Variants in NUP58 observed in about 807,000 individuals in gnomAD.
NUP58 encodes nucleoporin p58/p45.
Under a neutral mutation model 70.1 loss-of-function variants are expected in NUP58, and 17 were observed. That is an observed-to-expected ratio of 0.24 (90% CI 0.17 to 0.36). NUP58 has a LOEUF of 0.36. NUP58 is among the 10% of genes least tolerant of loss of function. The pLI, the probability that NUP58 is intolerant of heterozygous loss-of-function variation, is 1.00. For synonymous variants in NUP58, 275 were observed against 257.6 expected (o/e 1.07, Z -0.65); for missense variants, 644 against 701.5 (o/e 0.92, Z 0.93).
chr13:25,319,252 A>T (rs1268237308), intron 6 of NUP58, 74 bp from the exon 7 acceptor site: 1 of 1,237,856 alleles, frequency 8.1e-7, no homozygotes, highest in Non-Finnish European at 1.2e-6. Context: ...AATTTGTGTT[A>T]ATTTAAAGCT....
In NUP58 at chr13:25,331,353, T is replaced by G. The variant is rs779378074; in HGVS notation, c.1234-4T>G. The stretch of plus-strand genomic sequence containing the variant: ...TTTAGCCGTTTTGTTTATTATTCTT[T>G]TAGGTTCTGAAAGAACAGTACCTTG... On this transcript the variant is annotated splice_polypyrimidine_tract_variant and splice_region_variant and intron_variant, in intron 12 of 15. Transcript: ENST00000381736. The G allele has an allele frequency of 1.2e-6, 2 of 1,613,198 alleles. No homozygotes were observed. Among genetic ancestry groups the G allele is most frequent in the Non-Finnish European group, 1.7e-6 (2 of 1,179,330 alleles).
chr13:25,335,854 C>T (rs1435369835), intron 13 of NUP58: 2 of 1,045,350 alleles, frequency 1.9e-6, no homozygotes, highest in African/African-American at 3.5e-5. Context: ...CTTTGAGATG[C>T]ACTGATCACT....
chr13:25,338,562 C>G, intron 14 of NUP58, 74 bp from the exon 15 acceptor site: 2 of 1,047,174 alleles, frequency 1.9e-6, no homozygotes, highest in Non-Finnish European at 3.0e-6. Context: ...TGATGATTTT[C>G]GGTTGTACTT....
At chr13:25,332,349 G>T (rs2031638630) in intron 13 of NUP58, 1 of 985,208 alleles carries the variant, frequency 1.0e-6, no homozygotes, top group Admixed American at 6.2e-5. Flanking sequence ...GTGTCTTTCG[G>T]AGGTTAATAG....
intron 8 of NUP58, 135 bp from the exon 9 acceptor site, chr13:25,320,784 G>A: frequency 1.4e-6 from 1 of 732,730 alleles, no homozygotes; most frequent in East Asian, 2.9e-5. Flanking sequence ...CTTCCATTCT[G>A]TAAAAAAGTG....
chr13:25,320,695 A>G (rs2031143782), intron 8 of NUP58, 100 bp downstream of exon 8: 3 of 857,618 alleles, frequency 3.5e-6, no homozygotes, highest in East Asian at 2.7e-5. Flanking sequence ...CTAGAGGAGC[A>G]TCTCTTAACT....
intron 1 of NUP58, among the ~76,000 whole-genome samples, chr13:25,305,382 C>G (rs2030296311): frequency 6.6e-6 from 1 of 151,962 alleles, no homozygotes; most frequent in Admixed American, 6.6e-5. Context: ...GTGGCCCAGG[C>G]TGGGCTCAAG....
intron 6 of NUP58, among the ~76,000 whole-genome samples, chr13:25,316,814 C>T (rs758937482): frequency 3.9e-5 from 6 of 152,120 alleles, no homozygotes; most frequent in Non-Finnish European, 8.8e-5. Context: ...TCCTCTGCCC[C>T]TCCCCACATC....
chr13:25,302,472 C>G (rs2030073202), intron 1 of NUP58, among the ~76,000 whole-genome samples: 4 of 152,068 alleles, frequency 2.6e-5, no homozygotes, highest in Admixed American at 2.6e-4. Flanking sequence ...ATATCTGATG[C>G]GAGAATGTTG....
intron 4 of NUP58, 52 bp downstream of exon 4, chr13:25,313,084 C>A: frequency 6.3e-7 from 1 of 1,580,540 alleles, no homozygotes; most frequent in African/African-American, 1.4e-5. Flanking sequence ...TCAATTTTAT[C>A]TGGTTAGAGA....
chr13:25,344,118 G>GTATCAGC (rs2032020781), downstream of NUP58, among the ~76,000 whole-genome samples: 1 of 151,858 alleles, frequency 6.6e-6, no homozygotes, highest in South Asian at 2.1e-4. Context: ...TTTTTAATAT[G>GTATCAGC]TATCAGCTAT....
downstream of NUP58, among the ~76,000 whole-genome samples, chr13:25,345,632 C>G (rs2032040575): frequency 7.2e-5 from 11 of 151,984 alleles, no homozygotes; most frequent in South Asian, 2.3e-3. Context: ...GCCATTTTGA[C>G]TATTTGAATT....
In NUP58 at chr13:25,340,008, T is replaced by G; in HGVS notation, c.1674T>G (p.Pro558=). Residue 558 remains proline, a synonymous_variant, in exon 16 of 16, where the codon CCT becomes CCG. Transcript: ENST00000381736. ...SSTSGFNFSN[P]GITASAGLTF... is the part of the protein sequence containing the mutation. ...CATCTGGGTTTAACTTCAGCAATCC[T>G]GGCATCACGGCATCAGCTGGTTTGA... The G allele has an allele frequency of 6.2e-7, 1 of 1,612,802 alleles. No individual in the cohort carries two copies. Among genetic ancestry groups the G allele is most frequent in the Non-Finnish European group, 8.5e-7 (1 of 1,179,510 alleles).
chr13:25,325,823 G>A (rs1020225465), intron 10 of NUP58, among the ~76,000 whole-genome samples: 18 of 152,146 alleles, frequency 1.2e-4, no homozygotes, highest in Non-Finnish European at 2.6e-4. Flanking sequence ...GACTCCTAAA[G>A]TGCTGGGATT....
At chr13:25,326,272 T>G (rs928612910) in intron 10 of NUP58, among the ~76,000 whole-genome samples, 9 of 152,158 alleles carry the variant, frequency 5.9e-5, no homozygotes, top group Non-Finnish European at 1.2e-4. Flanking sequence ...CAAAATGCAT[T>G]CATGGTTGCC....
chr13:25,336,037 A>G, intron 13 of NUP58: 4 of 1,173,042 alleles, frequency 3.4e-6, no homozygotes, highest in Non-Finnish European at 3.2e-6. Flanking sequence ...CTTGCCAAAC[A>G]AACTCAGCCA....
intron 1 of NUP58, among the ~76,000 whole-genome samples, chr13:25,303,859 A>AT (rs1307254147): frequency 1.3e-5 from 2 of 152,342 alleles, no homozygotes; most frequent in East Asian, 3.9e-4. Context: ...TTTAATAACA[A>AT]TTTGAATGAC....
At chr13:25,312,768 G>A in intron 3 of NUP58, 115 bp from the exon 4 acceptor site, 1 of 967,532 alleles carries the variant, frequency 1.0e-6, no homozygotes, top group East Asian at 2.7e-5. Context: ...TCTTCTATTG[G>A]CAAAAGGTAG....
At chr13:25,333,675 T>A in intron 13 of NUP58, 1 of 985,422 alleles carries the variant, frequency 1.0e-6, no homozygotes, top group Non-Finnish European at 1.2e-6. Context: ...TGATGTGAGA[T>A]TTCTGAGCTC....
Sources: allele counts gnomAD v4.1 joint callset (sites outside exome capture counted in the v4.1 genomes callset), GRCh38; gene constraint gnomAD v4.1.1; transcripts MANE v1.5; gene names NCBI Gene and HGNC (gene_info 2026-07-23, HGNC 2026-07-21).